NPC1: variants seen among roughly 807,000 people sequenced by gnomAD.
NPC1 encodes NPC intracellular cholesterol transporter 1, also known as Niemann-Pick C1 protein.
In NPC1, 85 loss-of-function variants were observed where a neutral mutation model predicts 140.4. The ratio of observed to expected loss-of-function variants is 0.61; its 90% CI spans 0.51 to 0.72. The LOEUF is 0.72. Among genes scored for constraint, NPC1 ranks in the 30% least tolerant of loss-of-function variants. The probability of loss-of-function intolerance (pLI) is 0.00; values close to 1 mark genes in which losing one functional copy is unlikely to be tolerated. For missense variants in NPC1, 1,504 were observed against 1,623.8 expected (o/e 0.93, Z 1.27); for synonymous variants, 656 against 624.8 (o/e 1.05, Z -0.74).
chr18:23,584,639 G>A (rs1016337400), intron 1 of NPC1, among the ~76,000 whole-genome samples: 10 of 152,170 alleles, frequency 6.6e-5, no homozygotes, highest in Non-Finnish European at 8.8e-5. Flanking sequence ...AGGGCGGATC[G>A]CTAGAGGTCA....
chr18:23,554,520 C>T lies in NPC1; in HGVS notation c.1553+238G>A, dbSNP rs188382089. Among the ~76,000 whole-genome samples, 13 of 151,862 alleles carry T rather than the reference C, an allele frequency of 8.6e-5. No homozygotes were observed. The East Asian group carries it at 2.1e-3, about 25-fold the overall frequency. ...ACTCAGGAGGCTGAGGTATGAGAAT[C>T]GCTTGAACTTGGGAGCCGGAGGTTA... On this transcript the variant is annotated intron_variant, in intron 9 of 24. Transcript: ENST00000269228.
chr18:23,535,360 C>G, intron 22 of NPC1, 109 bp downstream of exon 22: 1 of 840,168 alleles, frequency 1.2e-6, no homozygotes, highest in Non-Finnish European at 2.0e-6. Flanking sequence ...GAGCAAGCGC[C>G]AGACTTGGTA....
intron 1 of NPC1, among the ~76,000 whole-genome samples, chr18:23,579,464 TAA>T (rs1236906257): frequency 6.6e-6 from 1 of 152,218 alleles, no homozygotes; most frequent in Non-Finnish European, 1.5e-5. Context: ...GTTACACAGC[TAA>T]AGAGTTTCTA....
intron 3 of NPC1, among the ~76,000 whole-genome samples, chr18:23,512,801 A>G (rs371622563): frequency 6.6e-6 from 1 of 152,304 alleles, no homozygotes. Context: ...TTAAGTGTTC[A>G]GTTCAGTAGT....
At chr18:23,535,782 G>A in intron 21 of NPC1, 82 bp from the exon 22 acceptor site, 1 of 921,918 alleles carries the variant, frequency 1.1e-6, no homozygotes, top group Non-Finnish European at 1.8e-6. Flanking sequence ...ACTGCCAAGT[G>A]GTCAGACTCC....
In NPC1 at chr18:23,548,080, A is replaced by C; in HGVS notation, c.1683T>G (p.Leu561=). The C allele has an allele frequency of 1.2e-6, 2 of 1,611,348 alleles. No individual in the cohort carries two copies. The highest frequency in any genetic ancestry group is 1.7e-6 in the Non-Finnish European group (2 of 1,177,480). The stretch of plus-strand genomic sequence containing the variant: ...AATTATTGACAGGGAAGGTAATCAC[A>C]AGGGCAGTGGCGTTATTGTAGTTTT... The part of the protein sequence containing the change: ...DDQNYNNATA[L]VITFPVNNYY... The change falls in exon 11 of 25, where the codon CTT becomes CTG. Residue 561 remains leucine (L), a synonymous_variant. Transcript: ENST00000269228.
At position 23,561,444 on chromosome 18, in the gene NPC1, C is replaced by A. The variant is rs111256741; in HGVS notation, c.547G>T (p.Ala183Ser). ...TCAATCCAGTTGGTGGCATTACAGG[C>A]GTCAGCGTCCTTCCCACACAGGAGT... ...LGLLCGKDAD[A>S]CNATNWIEYM... The change falls in exon 5 of 25, where the codon GCC becomes TCC. Residue 183 changes from alanine (A) to serine (S), a missense_variant. Ala to Ser is a moderately conservative substitution (Grantham distance 99). Transcript: ENST00000269228. The A allele has an allele frequency of 1.1e-5, 17 of 1,614,004 alleles. No individual in the cohort carries two copies. The African/African-American group carries it at 2.1e-4, about 20-fold the overall frequency.
downstream of NPC1, chr18:23,518,854 C>A (rs187287467): frequency 7.9e-5 from 126 of 1,586,922 alleles, 1 homozygote; most frequent in East Asian, 2.3e-3. Context: ...TTTTGAATGG[C>A]CAGATGTGAT....
At chr18:23,572,246 T>C in intron 2 of NPC1, 66 bp from the exon 3 acceptor site, 1 of 1,038,320 alleles carries the variant, frequency 9.6e-7, no homozygotes, top group Non-Finnish European at 1.5e-6. Flanking sequence ...CATTCCTCAG[T>C]GAACTAAGAC....
chr18:23,553,560 G>A (rs2058905273), intron 9 of NPC1, among the ~76,000 whole-genome samples: 1 of 152,214 alleles, frequency 6.6e-6, no homozygotes, highest in East Asian at 1.9e-4. Context: ...CTCTTGAGAA[G>A]TAGTCGGCTG....
chr18:23,524,941 CTTTTTTTT>C (rs5823396), downstream of NPC1, among the ~76,000 whole-genome samples: 2 of 69,216 alleles, frequency 2.9e-5, no homozygotes, highest in African/African-American at 5.9e-5. Context: ...TTAGAGAAAT[CTTTTTTTT>C]TTTTTTTTTT....
At chr18:23,527,589 CTT>C (rs71163615), downstream of NPC1, among the ~76,000 whole-genome samples, 61 of 108,330 alleles carry the variant, frequency 5.6e-4, no homozygotes, top group Middle Eastern at 4.9e-3. Context: ...CCTGCTATAG[CTT>C]TTTTTTTTTT....
chr18:23,568,791 T>A (rs765126792), intron 4 of NPC1, 32 bp downstream of exon 4: 2 of 1,573,474 alleles, frequency 1.3e-6, no homozygotes, highest in Non-Finnish European at 1.7e-6. Flanking sequence ...TGATGCCAGC[T>A]GTAAAAGAGG....
chr18:23,554,970 T>C lies in NPC1; in HGVS notation c.1341A>G (p.Gln447=), dbSNP rs1395164825. Residue 447 remains glutamine, a synonymous_variant, in exon 9 of 25, where the codon CAA becomes CAG. Coordinates refer to ENST00000269228, the MANE Select transcript of NPC1 (RefSeq NM_000271.5). ...AGGCAGTAATGTTTTCGATGGCTATTTGTAAGTCAAGAACCTGAAAGAAGA... is the reference window on the plus strand; with the variant it reads ...AGGCAGTAATGTTTTCGATGGCTATCTGTAAGTCAAGAACCTGAAAGAAGA... ...IQILHQVLDL[Q]IAIENITASY... 1 of 1,611,284 alleles carries C rather than the reference T, an allele frequency of 6.2e-7. No individual in the cohort carries two copies. Among genetic ancestry groups the C allele is most frequent in the Admixed American group, 1.7e-5 (1 of 60,020 alleles).
chr18:23,509,892 A>C (rs2057805769), intron 3 of NPC1, among the ~76,000 whole-genome samples: 1 of 149,408 alleles, frequency 6.7e-6, no homozygotes, highest in Non-Finnish European at 1.5e-5. Flanking sequence ...GTAGAGACGA[A>C]GTCTTGCTAT....
chr18:23,522,685 G>T (rs1021831590), exon 2 of NPC1: 1 of 152,214 alleles, frequency 6.6e-6, no homozygotes, highest in Non-Finnish European at 1.5e-5. Context: ...GAACAGATGC[G>T]AGGCCTGGTC....
At chr18:23,520,297 T>C, downstream of NPC1, 2 of 1,613,766 alleles carry the variant, frequency 1.2e-6, no homozygotes, top group Non-Finnish European at 1.7e-6. Context: ...TCCAGCCCTA[T>C]CAGATCCCCA....
chr18:23,571,013 G>T (rs960566083), intron 3 of NPC1, among the ~76,000 whole-genome samples: 1 of 152,138 alleles, frequency 6.6e-6, no homozygotes, highest in Non-Finnish European at 1.5e-5. Context: ...CACCTGAGCA[G>T]GACCCCTAGG....
chr18:23,534,244 A>G, intron 23 of NPC1: 2 of 636,650 alleles, frequency 3.1e-6, no homozygotes. Flanking sequence ...GCACACTGCC[A>G]CCTAAAAAGG....
Sources: allele counts gnomAD v4.1 joint callset (sites outside exome capture counted in the v4.1 genomes callset), GRCh38; gene constraint gnomAD v4.1.1; transcripts MANE v1.5; gene names NCBI Gene and HGNC (gene_info 2026-07-23, HGNC 2026-07-21).